Variants in KIF16B observed in about 807,000 individuals in gnomAD.
KIF16B encodes kinesin-like protein KIF16B.
KIF16B carries 98 observed loss-of-function variants against 156.3 expected under a neutral mutation model. The ratio of observed to expected loss-of-function variants is 0.63; its 90% CI spans 0.53 to 0.74. The LOEUF is 0.74. Ranked by LOEUF, KIF16B falls within the 30% of genes least tolerant of loss-of-function variation. KIF16B has a pLI of 0.00. For synonymous variants in KIF16B, 564 were observed against 583.7 expected (o/e 0.97, Z 0.49); for missense variants, 1,421 against 1,606.5 (o/e 0.88, Z 1.97).
At chr20:16,416,860 CA>C (rs1264696802) in intron 15 of KIF16B, among the ~76,000 whole-genome samples, 2 of 151,956 alleles carry the variant, frequency 1.3e-5, no homozygotes, top group African/African-American at 2.4e-5. Flanking sequence ...CAAAAGTGGA[CA>C]AGTGCAAAAG....
At chr20:16,493,193 G>A (rs1237139461) in intron 12 of KIF16B, among the ~76,000 whole-genome samples, 1 of 152,162 alleles carries the variant, frequency 6.6e-6, no homozygotes, top group African/African-American at 2.4e-5. Context: ...CCATCTCTAG[G>A]ACCATCACAA....
At chr20:16,515,784 T>G (rs925438518) in intron 3 of KIF16B, 120 bp from the exon 4 acceptor site, 13 of 611,916 alleles carry the variant, frequency 2.1e-5, no homozygotes, top group Non-Finnish European at 3.5e-5. Context: ...ACCATATAAA[T>G]AAATCACTGC....
intron 15 of KIF16B, among the ~76,000 whole-genome samples, chr20:16,411,586 A>C (rs982586995): frequency 3.9e-5 from 6 of 152,090 alleles, no homozygotes; most frequent in African/African-American, 1.2e-4. Flanking sequence ...AGTAAGAAAA[A>C]AAAACCCACA....
chr20:16,411,200 T>C (rs761943938), intron 15 of KIF16B, among the ~76,000 whole-genome samples: 6 of 152,158 alleles, frequency 3.9e-5, no homozygotes, highest in Non-Finnish European at 8.8e-5. Flanking sequence ...CTTGTTTTCA[T>C]GATCAGCTTC....
At chr20:16,440,531 GCGCACA>G (rs1439357248) in intron 12 of KIF16B, among the ~76,000 whole-genome samples, 98 of 79,496 alleles carry the variant, frequency 1.2e-3, no homozygotes, top group Admixed American at 1.7e-3. Flanking sequence ...ACACAAGCGC[GCGCACA>G]CACACACACA....
At chr20:16,496,672 T>C (rs905230211) in intron 11 of KIF16B, among the ~76,000 whole-genome samples, 1 of 152,208 alleles carries the variant, frequency 6.6e-6, no homozygotes, top group African/African-American at 2.4e-5. Context: ...ATGAAAACTA[T>C]TGTTAAGAAA....
chr20:16,569,371 A>G (rs2071377198), intron 1 of KIF16B, among the ~76,000 whole-genome samples: 1 of 152,218 alleles, frequency 6.6e-6, no homozygotes, highest in Non-Finnish European at 1.5e-5. Context: ...AGGACCAGAG[A>G]GTCTGGCACA....
chr20:16,426,895 T>A (rs1267306078), intron 15 of KIF16B, among the ~76,000 whole-genome samples: 1 of 152,180 alleles, frequency 6.6e-6, no homozygotes, highest in African/African-American at 2.4e-5. Flanking sequence ...ATTCTATATA[T>A]GTTCATATTT....
intron 20 of KIF16B, among the ~76,000 whole-genome samples, chr20:16,371,974 G>T (rs1450170584): frequency 6.6e-6 from 1 of 152,130 alleles, no homozygotes; most frequent in African/African-American, 2.4e-5. Context: ...AGGTAGAACT[G>T]AACAAGTAAT....
At chr20:16,509,416 A>G (rs2068888137) in intron 6 of KIF16B, among the ~76,000 whole-genome samples, 1 of 152,266 alleles carries the variant, frequency 6.6e-6, no homozygotes, top group African/African-American at 2.4e-5. Context: ...ATAGAGGGCA[A>G]TTTACACCCA....
intron 19 of KIF16B, 103 bp downstream of exon 19, chr20:16,378,702 A>C: frequency 8.1e-7 from 1 of 1,227,132 alleles, no homozygotes; most frequent in African/African-American, 1.6e-5. Context: ...GAAGGCTAAA[A>C]GAATAAGTTA....
rs1296645299 is a variant in KIF16B, at chr20:16,472,425, G to A, written c.1302+21866C>T. Reference sequence around the variant, plus strand: ...TCAAGATTGAGTCACAAGCAGCCAAGCCAGGCTTCGACTCCCAAACCCTCT... The same window carrying A: ...TCAAGATTGAGTCACAAGCAGCCAAACCAGGCTTCGACTCCCAAACCCTCT... On this transcript the variant is annotated intron_variant, in intron 12 of 25. Coordinates refer to ENST00000354981, the MANE Select transcript of KIF16B (RefSeq NM_024704.5). 3.3e-5 allele frequency among the ~76,000 whole-genome samples: 5 copies of A among 152,026 alleles called. No individual in the cohort carries two copies. In the East Asian group the frequency reaches 7.7e-4, roughly 23 times the overall value.
intron 15 of KIF16B, among the ~76,000 whole-genome samples, chr20:16,414,454 T>G (rs963425969): frequency 2.0e-5 from 3 of 152,158 alleles, no homozygotes; most frequent in Non-Finnish European, 2.9e-5. Flanking sequence ...CCCTTCTTTT[T>G]CAATGTTTAC....
chr20:16,490,598 G>A (rs2146910132), intron 12 of KIF16B, among the ~76,000 whole-genome samples: 1 of 152,068 alleles, frequency 6.6e-6, no homozygotes, highest in East Asian at 1.9e-4. Context: ...ATACACACAG[G>A]GAGACCAAGT....
At chr20:16,489,888 A>G (rs2068235295) in intron 12 of KIF16B, among the ~76,000 whole-genome samples, 1 of 152,136 alleles carries the variant, frequency 6.6e-6, no homozygotes. Flanking sequence ...AACGGATCCA[A>G]ATGAAGGACT....
intron 2 of KIF16B, among the ~76,000 whole-genome samples, chr20:16,526,746 T>C (rs1432324898): frequency 6.6e-6 from 1 of 152,198 alleles, no homozygotes; most frequent in Non-Finnish European, 1.5e-5. Context: ...TTTGCATATA[T>C]CTTGTCCCCC....
chr20:16,554,918 G>A (rs1044429985), intron 1 of KIF16B, among the ~76,000 whole-genome samples: 1 of 152,206 alleles, frequency 6.6e-6, no homozygotes, highest in Admixed American at 6.5e-5. Context: ...CAGTCAGCAC[G>A]CCTGGCTGTG....
intron 12 of KIF16B, among the ~76,000 whole-genome samples, chr20:16,452,320 T>C (rs1457863214): frequency 6.6e-6 from 1 of 151,430 alleles, no homozygotes; most frequent in Non-Finnish European, 1.5e-5. Flanking sequence ...CACAGGACCC[T>C]CATGCTAACA....
At chr20:16,564,785 C>T (rs2071193035) in intron 1 of KIF16B, among the ~76,000 whole-genome samples, 2 of 152,194 alleles carry the variant, frequency 1.3e-5, no homozygotes, top group South Asian at 4.1e-4. Context: ...CAACAGGCTA[C>T]CTCCAATGCC....
Sources: gnomAD v4.1 joint callset for allele counts (sites outside exome capture counted in the v4.1 genomes callset) on GRCh38, gnomAD v4.1.1 for gene constraint, MANE v1.5 for transcripts, NCBI Gene and HGNC (gene_info 2026-07-23, HGNC 2026-07-21) for gene names.